The following DMD variants were observed in gnomAD, a reference collection of about 807,000 sequenced individuals.
DMD encodes dystrophin, also known as mutant dystrophin.
Under a neutral mutation model 330.1 loss-of-function variants are expected in DMD, and 63 were observed. The ratio of observed to expected loss-of-function variants is 0.19; its 90% CI spans 0.16 to 0.24. The LOEUF is 0.24. Among genes scored for constraint, DMD ranks in the 10% least tolerant of loss-of-function variants. DMD has a pLI of 1.00. For missense variants in DMD, 3,344 were observed against 2,684.1 expected (o/e 1.25, Z -5.43); for synonymous variants, 1,223 against 959.8 (o/e 1.27, Z -5.07).
chrX:32,372,755 G>A lies in DMD; in HGVS notation c.4846-7556C>T, dbSNP rs1047487180. Among the ~76,000 whole-genome samples, 16 of 111,215 alleles carry A rather than the reference G, an allele frequency of 1.4e-4. 1 individual carries two copies. The highest frequency in any genetic ancestry group is 2.8e-4 in the Non-Finnish European group (15 of 52,906). On this transcript the variant is annotated intron_variant, in intron 34 of 78. Transcript: ENST00000357033. ...ATGTCGCTGTAGGAAGTTGCAATTA[G>A]CATTAATAATTTAAATTGTCAATTT...
intron 55 of DMD, among the ~76,000 whole-genome samples, chrX:31,539,355 C>T (rs995840565): frequency 8.9e-6 from 1 of 112,302 alleles, no homozygotes; most frequent in Non-Finnish European, 1.9e-5. Context: ...GGTTTCTGTA[C>T]TTCTAGCCTA....
At chrX:31,953,818 A>C (rs1177723267) in intron 45 of DMD, among the ~76,000 whole-genome samples, 1 of 112,091 alleles carries the variant, frequency 8.9e-6, no homozygotes, top group Non-Finnish European at 1.9e-5. Flanking sequence ...GTGCAAGAGA[A>C]AAAAGAACAA....
chrX:31,872,347 C>T (rs887561092), intron 48 of DMD, among the ~76,000 whole-genome samples: 2 of 111,084 alleles, frequency 1.8e-5, no homozygotes, highest in Admixed American at 9.6e-5. Context: ...TTAACACAGC[C>T]GAGTATGGCT....
chrX:31,380,787 C>T (rs896968343), intron 60 of DMD, among the ~76,000 whole-genome samples: 10 of 110,307 alleles, frequency 9.1e-5, no homozygotes, highest in Non-Finnish European at 1.7e-4. Context: ...CACCCTTCAC[C>T]CCAGCCTCTC....
At chrX:32,755,510 C>T (rs1371348395) in intron 7 of DMD, among the ~76,000 whole-genome samples, 1 of 111,711 alleles carries the variant, frequency 9.0e-6, no homozygotes, top group African/African-American at 3.3e-5. Flanking sequence ...AATGTGTTTA[C>T]TCCAACTAAG....
At chrX:32,462,107 A>T (rs192452935) in intron 25 of DMD, among the ~76,000 whole-genome samples, 2 of 111,727 alleles carry the variant, frequency 1.8e-5, no homozygotes, top group African/African-American at 6.5e-5. Context: ...AAAAAGGTAC[A>T]GTAGTTCCCT....
chrX:32,681,304 C>G (rs1056739099), intron 9 of DMD, among the ~76,000 whole-genome samples: 2 of 111,569 alleles, frequency 1.8e-5, no homozygotes, highest in Admixed American at 1.9e-4. Flanking sequence ...ATTCTTGGAT[C>G]CCATTCATCA....
intron 13 of DMD, among the ~76,000 whole-genome samples, chrX:32,582,915 G>A (rs191063932): frequency 8.1e-5 from 9 of 111,359 alleles, no homozygotes; most frequent in Non-Finnish European, 1.7e-4. Context: ...AAATGTAATT[G>A]TTAATGATAG....
chrX:32,971,277 T>A (rs1327772390), intron 2 of DMD, among the ~76,000 whole-genome samples: 7 of 111,699 alleles, frequency 6.3e-5, no homozygotes, highest in Non-Finnish European at 1.1e-4. Context: ...GTTAGGTTTT[T>A]ATTAGGTGCA....
intron 2 of DMD, among the ~76,000 whole-genome samples, chrX:32,991,434 A>T (rs1482473100): frequency 8.9e-6 from 1 of 112,182 alleles, no homozygotes; most frequent in Non-Finnish European, 1.9e-5. Flanking sequence ...AAAAAACAAA[A>T]AATGTTCTAT....
chrX:31,340,129 G>T (rs1163884652), intron 61 of DMD, among the ~76,000 whole-genome samples: 2 of 112,443 alleles, frequency 1.8e-5, no homozygotes, highest in Admixed American at 9.4e-5. Context: ...GTATCAAGGA[G>T]AAACTGTAAA....
At chrX:32,722,038 A>G (rs776995573) in intron 7 of DMD, among the ~76,000 whole-genome samples, 1 of 110,213 alleles carries the variant, frequency 9.1e-6, no homozygotes, top group Admixed American at 9.8e-5. Flanking sequence ...ATGGCATTAC[A>G]ATACTCTTTT....
chrX:31,554,584 G>A (rs1017999200), intron 55 of DMD, among the ~76,000 whole-genome samples: 1 of 111,338 alleles, frequency 9.0e-6, no homozygotes, highest in Non-Finnish European at 1.9e-5. Flanking sequence ...CCCCACACAA[G>A]GTCATACATA....
At chrX:31,658,772 T>C (rs928441942) in intron 53 of DMD, among the ~76,000 whole-genome samples, 20 of 112,495 alleles carry the variant, frequency 1.8e-4, no homozygotes, top group African/African-American at 6.5e-4. Context: ...CAATTCAGTG[T>C]TTTCAAACTT....
intron 44 of DMD, among the ~76,000 whole-genome samples, chrX:32,183,583 T>TAA (rs1491074095): frequency 6.0e-4 from 62 of 103,981 alleles, no homozygotes; most frequent in Non-Finnish European, 9.2e-4. Context: ...TATATATATA[T>TAA]ATATATGTAT....
At chrX:32,408,909 T>TATCCATCC (rs1346420102) in intron 30 of DMD, among the ~76,000 whole-genome samples, 36 of 100,408 alleles carry the variant, frequency 3.6e-4, no homozygotes, top group African/African-American at 1.4e-3. Context: ...TCTATCTATC[T>TATCCATCC]ATCCATCCAT....
chrX:32,910,627 G>C (rs1601864814), intron 2 of DMD, among the ~76,000 whole-genome samples: 1 of 110,634 alleles, frequency 9.0e-6, no homozygotes, highest in Non-Finnish European at 1.9e-5. Context: ...ATTTTTAGTA[G>C]AGACGGGGTT....
chrX:32,559,684 T>G (rs1048363895), intron 16 of DMD, among the ~76,000 whole-genome samples: 6 of 111,755 alleles, frequency 5.4e-5, no homozygotes, highest in Non-Finnish European at 7.5e-5. Flanking sequence ...AAGAAGAACA[T>G]GTAAAGAAAT....
chrX:32,487,001 G>A (rs1057385142), intron 20 of DMD, among the ~76,000 whole-genome samples: 3 of 110,912 alleles, frequency 2.7e-5, no homozygotes, highest in Non-Finnish European at 3.8e-5. Context: ...TTGACAAATG[G>A]GATCTAATTA....
Sources: gnomAD v4.1 joint callset for allele counts (sites outside exome capture counted in the v4.1 genomes callset) on GRCh38, gnomAD v4.1.1 for gene constraint, MANE v1.5 for transcripts, NCBI Gene and HGNC (gene_info 2026-07-23, HGNC 2026-07-21) for gene names.